NAGK: variants seen among roughly 807,000 people sequenced by gnomAD.
The protein encoded by NAGK is N-acetylglucosamine kinase.
NAGK carries 35 observed loss-of-function variants against 42.9 expected under a neutral mutation model. That is an observed-to-expected ratio of 0.82 (90% CI 0.62 to 1.08). The LOEUF (loss-of-function observed/expected upper bound fraction) is 1.08, where lower values mean the gene tolerates loss of function less well. NAGK is among the 50% of genes least tolerant of loss of function. NAGK has a pLI of 0.00. For missense variants in NAGK, 446 were observed against 446.0 expected, an observed-to-expected ratio of 1.00 and a Z score of 0.00; for synonymous variants, 172 against 176.0, an observed-to-expected ratio of 0.98 and a Z score of 0.18.
rs111356657 is a variant in NAGK at position 71,079,567 on chromosome 2, G to A, written c.*1059G>A. On this transcript the variant is annotated 3_prime_UTR_variant, in exon 10 of 10. Transcript: ENST00000244204. Reference sequence around the variant, plus strand: ...GAGGCCGAGGCAGGTGGATCACGAGGTCAGGAGATTGAGACCATCCTGGCT... The same window carrying A: ...GAGGCCGAGGCAGGTGGATCACGAGATCAGGAGATTGAGACCATCCTGGCT... The A allele has an allele frequency of 0.01, 1,578 of 152,344 alleles. 26 individuals are homozygous for A. The highest frequency in any genetic ancestry group is 0.039 in the East Asian group (199 of 5,164). 9.4% of individuals were successfully genotyped at this position (152,344 alleles called of 1,614,324 possible).
intron 3 of NAGK, chr2:71,071,105 G>A (rs1395535871): frequency 4.3e-6 from 2 of 462,916 alleles, no homozygotes; most frequent in East Asian, 4.0e-5. Flanking sequence ...GCGTAACCCT[G>A]TGTAGGTTAC....
chr2:71,076,078 C>T lies in NAGK; in HGVS notation c.667+436C>T, dbSNP rs1374766468. ...ATTGCTCTTTCTCCACTGTGAGGTC[C>T]ATCCTGCCTTAATTTGGGTTCCTGC... is the stretch of plus-strand genomic sequence containing the variant. On this transcript the variant is annotated intron_variant, in intron 7 of 9. Transcript: ENST00000244204. 8 of 190,036 alleles carry T rather than the reference C, an allele frequency of 4.2e-5. No individual in the cohort carries two copies. The East Asian group carries it at 5.6e-4, about 13-fold the overall frequency. The allele number at this position is 190,036 out of a possible 1,614,324, so 11.8% of individuals were successfully genotyped here. A position where few individuals can be genotyped will look rare whatever the true frequency, so the allele number is the denominator to read the frequency against.
chr2:71,071,514 T>A (rs538376494), intron 3 of NAGK, 172 bp from the exon 4 acceptor site: 1 of 913,748 alleles, frequency 1.1e-6, no homozygotes, highest in East Asian at 2.7e-5. Flanking sequence ...GTTGTTCTTA[T>A]AACCACAGCC....
chr2:71,079,381 G>A lies in NAGK; in HGVS notation c.*873G>A, dbSNP rs994741786. ...GGTGAAGACTAAGGACAGGAGTCTC[G>A]ATCCACAATAGCTGCCTCTCCAGGT... On this transcript the variant is annotated 3_prime_UTR_variant, in exon 10 of 10. Coordinates refer to ENST00000244204, the MANE Select transcript of NAGK (RefSeq NM_017567.6). The A allele has an allele frequency of 4.6e-5, 7 of 152,184 alleles. No individual in the cohort carries two copies. The highest frequency in any genetic ancestry group is 1.4e-4 in the African/African-American group (6 of 41,438). The allele number at this position is 152,184 out of a possible 1,614,324, so 9.4% of individuals were successfully genotyped here. A position where few individuals can be genotyped will look rare whatever the true frequency, so the allele number is the denominator to read the frequency against.
At chr2:71,068,523 C>T (rs1344236378), upstream of NAGK, 3 of 1,455,670 alleles carry the variant, frequency 2.1e-6, no homozygotes, top group Admixed American at 2.8e-5. Context: ...ATCCCCGGCT[C>T]CTACCGGCGC....
intron 9 of NAGK, 55 bp from the exon 10 acceptor site, chr2:71,078,263 C>T: frequency 6.4e-7 from 1 of 1,558,658 alleles, no homozygotes; most frequent in Non-Finnish European, 8.8e-7. Context: ...CCTTCCTGGC[C>T]CCAGTACAGG....
rs909125602 is a variant in NAGK at position 71,070,832 on chromosome 2, G to T, written c.206G>T (p.Arg69Leu). 6.2e-7 allele frequency: 1 copy of T among 1,614,170 alleles called. No individual in the cohort carries two copies. The highest frequency in any genetic ancestry group is 2.2e-5 in the East Asian group (1 of 44,882). The stretch of plus-strand genomic sequence containing the variant: ...GGGGTGGATCCTCTGGTACCGCTGC[G>T]AAGCTTGGTGAGTCTGGGGCGGAGC... ...KAGVDPLVPL[R>L]SLGLSLSGGD... The change falls in exon 3 of 10, where the codon CGA becomes CTA. Residue 69 changes from arginine (R) to leucine (L), a missense_variant. By Grantham distance (102) the Arg-to-Leu change is moderately radical (BLOSUM62 -2). Transcript: ENST00000244204.
In NAGK at chr2:71,071,675, G is replaced by A. The variant is rs146271156; in HGVS notation, c.214-11G>A. On this transcript the variant is annotated splice_polypyrimidine_tract_variant and intron_variant, in intron 3 of 9. Transcript: ENST00000244204. ...GGCTCTGCACACTCGCTCACCTCCC[G>A]CGTGGCCTAGGGCCTATCTCTGAGC... 17 of 1,609,438 alleles carry A rather than the reference G, an allele frequency of 1.1e-5. No homozygotes were observed. The highest frequency in any genetic ancestry group is 8.9e-5 in the East Asian group (4 of 44,742).
At chr2:71,071,885 A>G in intron 4 of NAGK, 58 bp downstream of exon 4, 6 of 1,592,754 alleles carry the variant, frequency 3.8e-6, no homozygotes, top group Non-Finnish European at 5.1e-6. Flanking sequence ...AAAGCCCCTT[A>G]GATATAGCTG....
At chr2:71,068,629 G>C (rs558221046), upstream of NAGK, 31 of 1,523,248 alleles carry the variant, frequency 2.0e-5, no homozygotes, top group Non-Finnish European at 2.7e-5. Context: ...AGGGAAGGAG[G>C]TGTCAGGCGG....
chr2:71,071,576 G>A (rs1672003116), intron 3 of NAGK, 110 bp from the exon 4 acceptor site: 1 of 1,426,140 alleles, frequency 7.0e-7, no homozygotes, highest in Non-Finnish European at 9.3e-7. Context: ...TGGGTGAACA[G>A]GGTATGGCCA....
chr2:71,072,605 C>G (rs1251680621), intron 4 of NAGK, 36 bp from the exon 5 acceptor site: 2 of 1,565,348 alleles, frequency 1.3e-6, no homozygotes, highest in Non-Finnish European at 1.8e-6. Flanking sequence ...TGTGCCAGGC[C>G]TCGGCCACAC....
intron 5 of NAGK, chr2:71,073,113 A>C: frequency 2.2e-6 from 1 of 451,958 alleles, no homozygotes; most frequent in East Asian, 4.7e-5. Flanking sequence ...CCCTTCCAAC[A>C]TCACCTCTCT....
At chr2:71,076,437 G>A (rs1672213056) in intron 7 of NAGK, 167 bp from the exon 8 acceptor site, 1 of 581,162 alleles carries the variant, frequency 1.7e-6, no homozygotes, top group Admixed American at 2.9e-5. Context: ...ATGTTTGTCA[G>A]TGGAGACTTG....
At chr2:71,075,791 G>A (rs1292657021) in intron 7 of NAGK, 149 bp downstream of exon 7, 1 of 742,298 alleles carries the variant, frequency 1.3e-6, no homozygotes, top group Non-Finnish European at 2.3e-6. Flanking sequence ...TGGTGGTGGT[G>A]GGCCTTGGGG....
At position 71,078,470 on chromosome 2, in the gene NAGK, G is replaced by A. The variant is rs563867179; in HGVS notation, c.997G>A (p.Ala333Thr). The change falls in exon 10 of 10, where the codon GCC (alanine) becomes ACC (threonine). Residue 333 changes from alanine (A) to threonine (T), a missense_variant. By Grantham distance (58) the Ala-to-Thr change is moderately conservative (BLOSUM62 0). Transcript: ENST00000244204. ...IGHLLPMDYS[A>T]NAIAFYSYTF... ...GCACCTCCTCCCCATGGACTATAGC[G>A]CCAATGCCATTGCCTTCTATTCCTA... 360 of 1,601,390 alleles carry A rather than the reference G, an allele frequency of 2.2e-4. No individual in the cohort carries two copies. In the East Asian group the frequency reaches 6.1e-3, roughly 27 times the overall value.
At chr2:71,075,673 G>A (rs769989971) in intron 7 of NAGK, 31 bp downstream of exon 7, 1 of 1,578,140 alleles carries the variant, frequency 6.3e-7, no homozygotes, top group East Asian at 2.2e-5. Context: ...GTTTTATCTG[G>A]CTTTGTTCTC....
At chr2:71,069,521 T>G (rs555448410) in intron 1 of NAGK, 1 of 152,236 alleles carries the variant, frequency 6.6e-6, no homozygotes, top group East Asian at 1.9e-4. Flanking sequence ...CCACTGCTGA[T>G]TCACAGACCC....
chr2:71,077,710 T>C (rs1672269414), intron 9 of NAGK, 74 bp downstream of exon 9: 1 of 1,511,042 alleles, frequency 6.6e-7, no homozygotes, highest in Non-Finnish European at 9.0e-7. Flanking sequence ...GGAAAGCTTT[T>C]TGCCCCAGAG....
Sources: allele counts gnomAD v4.1 joint callset, GRCh38; gene constraint gnomAD v4.1.1; transcripts MANE v1.5; gene names NCBI Gene and HGNC (gene_info 2026-07-23, HGNC 2026-07-21).